NCKAP1L: variants seen among roughly 807,000 people sequenced by gnomAD.
NCKAP1L encodes nck-associated protein 1-like.
NCKAP1L carries 53 observed loss-of-function variants against 139.2 expected under a neutral mutation model. That is an observed-to-expected ratio of 0.38 (90% CI 0.31 to 0.48). The LOEUF (loss-of-function observed/expected upper bound fraction) is 0.48, where lower values mean the gene tolerates loss of function less well. Among genes scored for constraint, NCKAP1L ranks in the 20% least tolerant of loss-of-function variants. NCKAP1L has a pLI of 0.98. For synonymous variants in NCKAP1L, 468 were observed against 499.7 expected, an observed-to-expected ratio of 0.94 and a Z score of 0.85; for missense variants, 1,151 against 1,381.9, an observed-to-expected ratio of 0.83 and a Z score of 2.65.
chr12:54,516,244 G>A lies in NCKAP1L; in HGVS notation c.947G>A (p.Gly316Asp). Residue 316 changes from glycine (G) to aspartate (D), a missense_variant, in exon 10 of 31, where the codon GGC (glycine) becomes GAC (aspartate). By Grantham distance (94) the Gly-to-Asp change is moderately conservative. Coordinates refer to ENST00000293373, the MANE Select transcript of NCKAP1L (RefSeq NM_005337.5). ...GTGCTTGTGTCAATCCTCAGGTATG[G>A]CAAGAGAGTGGCAGACATAAAGGAG... Reference protein sequence around the residue: ...EDLFSSLKGYGKRVADIKESK... With the variant: ...EDLFSSLKGYDKRVADIKESK... The A allele has an allele frequency of 6.2e-7, 1 of 1,613,914 alleles. No individual in the cohort carries two copies. The highest frequency in any genetic ancestry group is 8.5e-7 in the Non-Finnish European group (1 of 1,179,938).
rs997154991 is a variant in NCKAP1L, at chr12:54,547,177, C to T, written c.*4492C>T. 1 of 152,068 alleles carries T rather than the reference C, an allele frequency of 6.6e-6. No individual in the cohort carries two copies. The highest frequency in any genetic ancestry group is 6.5e-5 in the Admixed American group (1 of 15,274). 9.4% of individuals were successfully genotyped at this position (152,068 alleles called of 1,614,324 possible). The stretch of plus-strand genomic sequence containing the variant: ...CAGAGTGGAACAAGTATACCCAATT[C>T]TTATCTGTTTAGAGACGCAGCAAGG... On this transcript the variant is annotated 3_prime_UTR_variant, in exon 31 of 31. Coordinates refer to ENST00000293373, the MANE Select transcript of NCKAP1L (RefSeq NM_005337.5).
intron 5 of NCKAP1L, 50 bp downstream of exon 5, chr12:54,508,581 G>A (rs1424481942): frequency 6.4e-7 from 1 of 1,569,342 alleles, no homozygotes; most frequent in African/African-American, 1.4e-5. Flanking sequence ...ATGGTGCTAT[G>A]ATGTAGAGAG....
chr12:54,526,899 G>A (rs1217784828), intron 21 of NCKAP1L, among the ~76,000 whole-genome samples, 153 bp downstream of exon 21: 1 of 152,190 alleles, frequency 6.6e-6, no homozygotes, highest in East Asian at 1.9e-4. Context: ...GCAATAACCT[G>A]AGACAAGCCC....
At chr12:54,542,153 A>G (rs1957162900) in intron 30 of NCKAP1L, among the ~76,000 whole-genome samples, 1 of 152,166 alleles carries the variant, frequency 6.6e-6, no homozygotes, top group Admixed American at 6.5e-5. Context: ...ACCCATGTGG[A>G]TTCCAGGCCC....
At chr12:54,514,396 A>T (rs1956914054) in intron 9 of NCKAP1L, among the ~76,000 whole-genome samples, 1 of 150,890 alleles carries the variant, frequency 6.6e-6, no homozygotes, top group African/African-American at 2.4e-5. Context: ...ATCTTGGTTC[A>T]CTGTAACCTC....
At position 54,535,312 on chromosome 12, in the gene NCKAP1L, T is replaced by A. The variant is rs1957106158; in HGVS notation, c.2956+115T>A. ...TTTGAGATTATATATTCAGAGGATA[T>A]AAGCTGGGAGTGAAGGAAGGACCCT... On this transcript the variant is annotated intron_variant, in intron 27 of 30. Transcript: ENST00000293373. The A allele has an allele frequency of 6.7e-6, 5 of 744,072 alleles. No individual in the cohort carries two copies. The East Asian group carries it at 1.4e-4, about 21-fold the overall frequency. 46.1% of individuals were successfully genotyped at this position (744,072 alleles called of 1,614,324 possible).
At chr12:54,532,333 G>A (rs995825390) in intron 26 of NCKAP1L, 83 bp downstream of exon 26, 10 of 1,107,176 alleles carry the variant, frequency 9.0e-6, no homozygotes, top group Non-Finnish European at 1.1e-5. Flanking sequence ...AAGGGAGAGC[G>A]GGTTCTGAAG....
intron 1 of NCKAP1L, chr12:54,498,719 C>T (rs1334688712): frequency 1.1e-6 from 1 of 892,032 alleles, no homozygotes; most frequent in Admixed American, 6.2e-5. Context: ...AGTCTAACTC[C>T]TGAGCAGCTG....
intron 14 of NCKAP1L, 57 bp from the exon 15 acceptor site, chr12:54,518,857 A>T (rs1956955938): frequency 6.6e-7 from 1 of 1,508,762 alleles, no homozygotes; most frequent in Admixed American, 1.7e-5. Flanking sequence ...CATTCTATGT[A>T]GTTGGATATT....
rs922372465 is a variant in NCKAP1L, at chr12:54,498,799, A to G, written c.103-556A>G. 1.2e-5 allele frequency: 12 copies of G among 985,240 alleles called. No homozygotes were observed. In the African/African-American group the frequency reaches 2.1e-4, roughly 17 times the overall value. 61.0% of individuals were successfully genotyped at this position (985,240 alleles called of 1,614,324 possible). A position where few individuals can be genotyped will look rare whatever the true frequency, so the allele number is the denominator to read the frequency against. On this transcript the variant is annotated intron_variant, in intron 1 of 30. Coordinates refer to ENST00000293373, the MANE Select transcript of NCKAP1L (RefSeq NM_005337.5). ...CTTCCTCTTTGTGCTGGGGCCAAGC[A>G]GGCATTAAACTCTACCCATCAAGAC... is the stretch of plus-strand genomic sequence containing the variant.
chr12:54,509,149 G>T (rs1018926751), intron 5 of NCKAP1L, among the ~76,000 whole-genome samples: 9 of 152,114 alleles, frequency 5.9e-5, no homozygotes, highest in African/African-American at 2.2e-4. Flanking sequence ...ATTTTGAATT[G>T]TCTGCAGTTC....
rs1956960413 is a variant in NCKAP1L at position 54,519,209 on chromosome 12, C to T, written c.1502C>T (p.Ala501Val). 2 of 1,568,884 alleles carry T rather than the reference C, an allele frequency of 1.3e-6. No individual in the cohort carries two copies. The highest frequency in any genetic ancestry group is 1.7e-6 in the Non-Finnish European group (2 of 1,165,364). The change falls in exon 16 of 31, where the codon GCC (alanine) becomes GTC (valine). Residue 501 changes from alanine to valine, a missense_variant. By Grantham distance (64) the Ala-to-Val change is moderately conservative (BLOSUM62 0). Transcript: ENST00000293373. The stretch of plus-strand genomic sequence containing the variant: ...CAGGCATACACTAGCGTGGCTAAGG[C>T]CCCTCTGCACCTGCATGAGAACCCT... ...RLQAYTSVAK[A>V]PLHLHENPDL...
chr12:54,499,431 A>G lies in NCKAP1L; in HGVS notation c.179A>G (p.Lys60Arg). 6.2e-7 allele frequency: 1 copy of G among 1,609,968 alleles called. No homozygotes were observed. Among genetic ancestry groups the G allele is most frequent in the Non-Finnish European group, 8.5e-7 (1 of 1,176,176 alleles). ...SMEPSLKYIN[K>R]KFPNIDVRNS... ...GAACCATCTCTCAAGTATATCAACA[A>G]GAAATTTCCCAACATAGATGTCCGA... The change falls in exon 2 of 31, where the codon AAG becomes AGG. Residue 60 changes from lysine (K) to arginine (R), a missense_variant. Coordinates refer to ENST00000293373, the MANE Select transcript of NCKAP1L (RefSeq NM_005337.5).
At position 54,517,956 on chromosome 12, in the gene NCKAP1L, T is replaced by C; in HGVS notation, c.1338+18T>C. On this transcript the variant is annotated intron_variant, in intron 13 of 30. Transcript: ENST00000293373. ...TCATTCAGGTATGATATTTAATTGATTATACTTTGGAAATTTCAGGATGAT... is the reference window on the plus strand; with the variant it reads ...TCATTCAGGTATGATATTTAATTGACTATACTTTGGAAATTTCAGGATGAT... 1.2e-6 allele frequency: 2 copies of C among 1,613,296 alleles called. No homozygotes were observed. The highest frequency in any genetic ancestry group is 8.5e-7 in the Non-Finnish European group (1 of 1,179,340).
At chr12:54,500,111 TTTTTC>T (rs1192372630) in intron 2 of NCKAP1L, among the ~76,000 whole-genome samples, 1 of 117,524 alleles carries the variant, frequency 8.5e-6, no homozygotes, top group Admixed American at 1.1e-4. Flanking sequence ...ACTCTCTTTC[TTTTTC>T]TTTTCTTTTC....
At chr12:54,512,697 C>T (rs1956897863) in intron 9 of NCKAP1L, 1 of 153,218 alleles carries the variant, frequency 6.5e-6, no homozygotes, top group Non-Finnish European at 1.5e-5. Flanking sequence ...TTAAACTGGC[C>T]TCTCAGGATC....
chr12:54,522,360 A>C (rs1414635149), intron 18 of NCKAP1L, among the ~76,000 whole-genome samples: 1 of 152,258 alleles, frequency 6.6e-6, no homozygotes, highest in Non-Finnish European at 1.5e-5. Flanking sequence ...AACACTGGTA[A>C]AGAGATTTGC....
intron 26 of NCKAP1L, 27 bp downstream of exon 26, chr12:54,532,277 A>C: frequency 6.4e-7 from 1 of 1,569,438 alleles, no homozygotes; most frequent in Non-Finnish European, 8.7e-7. Flanking sequence ...AGTAGAATCT[A>C]ATTAGGAGAC....
Position 54,543,400 on chromosome 12 carries a change from C to T in NCKAP1L, c.*715C>T, listed in dbSNP as rs1055637474. The T allele has an allele frequency of 6.6e-6, 1 of 152,208 alleles. No individual in the cohort carries two copies. Among genetic ancestry groups the T allele is most frequent in the African/African-American group, 2.4e-5 (1 of 41,444 alleles). 9.4% of individuals were successfully genotyped at this position (152,208 alleles called of 1,614,324 possible). On this transcript the variant is annotated 3_prime_UTR_variant, in exon 31 of 31. Transcript: ENST00000293373. ...TTCTCTCTTGCTTTAACCCCTCCTG[C>T]TTTGATATCTCCACAACCCAGAGCA...
Sources: allele counts gnomAD v4.1 joint callset (sites outside exome capture counted in the v4.1 genomes callset), GRCh38; gene constraint gnomAD v4.1.1; transcripts MANE v1.5; gene names NCBI Gene and HGNC (gene_info 2026-07-23, HGNC 2026-07-21).